SLC23A1: variants seen among roughly 807,000 people sequenced by gnomAD.
The protein encoded by SLC23A1 is solute carrier family 23 member 1.
Under a neutral mutation model 62.5 loss-of-function variants are expected in SLC23A1, and 31 were observed. The ratio of observed to expected loss-of-function variants is 0.50; its 90% confidence interval spans 0.37 to 0.67. The LOEUF (loss-of-function observed/expected upper bound fraction) is 0.67. Ranked by LOEUF, SLC23A1 falls within the 30% of genes least tolerant of loss-of-function variation. SLC23A1 has a pLI of 0.00. For missense variants in SLC23A1, 640 were observed against 782.7 expected (o/e 0.82, Z 2.18); for synonymous variants, 271 against 313.2 (o/e 0.87, Z 1.42).
Position 139,378,244 on chromosome 5 carries a change from C to T in SLC23A1, c.1287G>A (p.Gly429=). 2.5e-6 allele frequency: 4 copies of T among 1,612,426 alleles called. No homozygotes were observed. ...CACCAAAGAGAGTGCAGAACATGCC[C>T]CCCAGGATGGGGTCAGGGAGCGAGG... is the stretch of plus-strand genomic sequence containing the variant. ...LFASLPDPIL[G]GMFCTLFGMI... The change falls in exon 11 of 15, where the codon GGG becomes GGA. Residue 429 remains glycine, a synonymous_variant. Transcript: ENST00000348729. The surrounding 1 kb of genome is among the most constrained non-coding windows in gnomAD (Gnocchi z 4.5).
chr5:139,372,672 C>T (rs1757737331), intron 13 of SLC23A1, among the ~76,000 whole-genome samples: 1 of 152,128 alleles, frequency 6.6e-6, no homozygotes, highest in African/African-American at 2.4e-5. Flanking sequence ...GCCACCTCCT[C>T]CTCCCGGGTT....
At chr5:139,381,387 C>T (rs1378060464) in intron 3 of SLC23A1, among the ~76,000 whole-genome samples, 1 of 152,162 alleles carries the variant, frequency 6.6e-6, no homozygotes, top group Non-Finnish European at 1.5e-5. Flanking sequence ...GGCTTGGTGG[C>T]TCACGCCTGT....
intron 13 of SLC23A1, among the ~76,000 whole-genome samples, chr5:139,375,876 A>C (rs1189965819): frequency 1.3e-5 from 2 of 151,776 alleles, no homozygotes; most frequent in South Asian, 2.1e-4. Flanking sequence ...GCTCACACCT[A>C]TAATCCCAGT....
Position 139,379,406 on chromosome 5 carries a change from T to C in SLC23A1, c.926-52A>G. On this transcript the variant is annotated intron_variant, in intron 8 of 14. Transcript: ENST00000348729. This position sits in a 1 kb window ranked among gnomAD's most constrained non-coding sequence, Gnocchi z 4.7. ...GGCTACAGTGAGGAGACTGTGATGG[T>C]TAGGAATAGACAGGGCAGTGCTGGA... is the stretch of plus-strand genomic sequence containing the variant. 2 of 1,575,572 alleles carry C rather than the reference T, an allele frequency of 1.3e-6. No homozygotes were observed. The highest frequency in any genetic ancestry group is 1.7e-6 in the Non-Finnish European group (2 of 1,146,112).
intron 5 of SLC23A1, 69 bp downstream of exon 5, chr5:139,380,496 C>A (rs369419826): frequency 6.3e-7 from 1 of 1,587,992 alleles, no homozygotes; most frequent in Non-Finnish European, 8.6e-7. Context: ...CCAAACTCAG[C>A]GGCCACCCTC....
chr5:139,378,832 C>A lies in SLC23A1; in HGVS notation c.1074-148G>T. 2 of 658,240 alleles carry A rather than the reference C, an allele frequency of 3.0e-6. No individual in the cohort carries two copies. The highest frequency in any genetic ancestry group is 2.7e-6 in the Non-Finnish European group (1 of 373,064). 40.8% of individuals were successfully genotyped at this position (658,240 alleles called of 1,614,324 possible). ...CCTACTACAGGCCAGAATGCTCAGGCTCCAGAGCTAGTCCTAGTGCCCTGG... is the reference window on the plus strand; with the variant it reads ...CCTACTACAGGCCAGAATGCTCAGGATCCAGAGCTAGTCCTAGTGCCCTGG... On this transcript the variant is annotated intron_variant, in intron 9 of 14. Transcript: ENST00000348729. This position sits in a 1 kb window ranked among gnomAD's most constrained non-coding sequence, Gnocchi z 4.5.
chr5:139,378,583 G>A lies in SLC23A1; in HGVS notation c.1175C>T (p.Thr392Ile). 1 of 1,602,520 alleles carries A rather than the reference G, an allele frequency of 6.2e-7. No individual in the cohort carries two copies. The highest frequency in any genetic ancestry group is 8.5e-7 in the Non-Finnish European group (1 of 1,174,396). ...SSPNIGVLGI[T>I]KVGSRRVVQY... Reference sequence around the variant, plus strand: ...GGCTCTGGCTCGTCGCGACACCTTGGTAATTCCCAGGACGCCAATGTTGGG... The same window carrying A: ...GGCTCTGGCTCGTCGCGACACCTTGATAATTCCCAGGACGCCAATGTTGGG... Residue 392 changes from threonine to isoleucine, a missense_variant, in exon 10 of 15, where the codon ACC (threonine) becomes ATC (isoleucine). By Grantham distance (89) the Thr-to-Ile change is moderately conservative. Transcript: ENST00000348729. The surrounding 1 kb of genome is among the most constrained non-coding windows in gnomAD (Gnocchi z 4.5).
At chr5:139,383,000 C>T (rs1348804801) in intron 1 of SLC23A1, among the ~76,000 whole-genome samples, 1 of 152,214 alleles carries the variant, frequency 6.6e-6, no homozygotes, top group Non-Finnish European at 1.5e-5. Flanking sequence ...GATTAGGCCT[C>T]TCCTGAACCC....
At chr5:139,373,335 GC>G (rs934529131) in intron 13 of SLC23A1, among the ~76,000 whole-genome samples, 5 of 151,968 alleles carry the variant, frequency 3.3e-5, no homozygotes, top group Admixed American at 1.3e-4. Flanking sequence ...GACCCACCAC[GC>G]CCGGCTAATT....
chr5:139,378,453 G>A lies in SLC23A1; in HGVS notation c.1180-102C>T, dbSNP rs991570443. 5.4e-6 allele frequency: 8 copies of A among 1,472,080 alleles called. No homozygotes were observed. The African/African-American group carries it at 8.4e-5, about 15-fold the overall frequency. 91.2% of individuals were successfully genotyped at this position (1,472,080 alleles called of 1,614,324 possible). The stretch of plus-strand genomic sequence containing the variant: ...ATAAGAGCGAGGCATAAACCGGCTG[G>A]GGCTTGATGCGGGGGCGAGGCCTCT... On this transcript the variant is annotated intron_variant, in intron 10 of 14. Coordinates refer to ENST00000348729, the MANE Select transcript of SLC23A1 (RefSeq NM_005847.5). The surrounding 1 kb of genome is among the most constrained non-coding windows in gnomAD (Gnocchi z 4.5).
intron 4 of SLC23A1, 32 bp from the exon 5 acceptor site, chr5:139,380,664 C>A (rs1158395755): frequency 1.3e-6 from 2 of 1,562,940 alleles, no homozygotes; most frequent in East Asian, 2.2e-5. Context: ...CACACACGGA[C>A]CAGGTACAGA....
chr5:139,372,482 G>A (rs1757721710), intron 13 of SLC23A1, among the ~76,000 whole-genome samples: 2 of 152,166 alleles, frequency 1.3e-5, no homozygotes, highest in African/African-American at 4.8e-5. Context: ...ACTACAGTGT[G>A]CCAGGCTCTG....
At chr5:139,370,649 G>A (rs1227378949) in intron 14 of SLC23A1, among the ~76,000 whole-genome samples, 1 of 151,400 alleles carries the variant, frequency 6.6e-6, no homozygotes, top group South Asian at 2.1e-4. Flanking sequence ...CTACCACCAC[G>A]CCTGGCTAAT....
chr5:139,384,606 TC>T (rs1758437302), upstream of SLC23A1: 1 of 1,259,930 alleles, frequency 7.9e-7, no homozygotes, highest in Non-Finnish European at 1.0e-6. Context: ...CTCCCAGAAC[TC>T]CCCAGGGTGC....
rs1758125612 is a variant in SLC23A1, at chr5:139,379,494, A to T, written c.926-140T>A. Reference sequence around the variant, plus strand: ...GGGAGCTATACAGTTGTGGGAGCTTATTTGAGTCACTCAGAGCCAGGAAGT... The same window carrying T: ...GGGAGCTATACAGTTGTGGGAGCTTTTTTGAGTCACTCAGAGCCAGGAAGT... On this transcript the variant is annotated intron_variant, in intron 8 of 14. Coordinates refer to ENST00000348729, the MANE Select transcript of SLC23A1 (RefSeq NM_005847.5). This position sits in a 1 kb window ranked among gnomAD's most constrained non-coding sequence, Gnocchi z 4.7. 2 of 1,044,754 alleles carry T rather than the reference A, an allele frequency of 1.9e-6. No individual in the cohort carries two copies. The highest frequency in any genetic ancestry group is 2.0e-4 in the Middle Eastern group (1 of 4,890). 64.7% of individuals were successfully genotyped at this position (1,044,754 alleles called of 1,614,324 possible). A position where few individuals can be genotyped will look rare whatever the true frequency, so the allele number is the denominator to read the frequency against.
rs770230878 is a variant in SLC23A1, at chr5:139,372,025, G to C, written c.1778C>G (p.Ser593Cys). 1.2e-5 allele frequency: 19 copies of C among 1,613,814 alleles called. No homozygotes were observed. The South Asian group carries it at 2.0e-4, about 17-fold the overall frequency. The stretch of plus-strand genomic sequence containing the variant: ...CATTTTTCAGACCTTGGTGCACACA[G>C]ATGCAGTTTCTGTATTTTCTGGAGT... The part of the protein sequence containing the change: ...EDTPENTETA[S>C]VCTKV Residue 593 changes from serine to cysteine, a missense_variant, in exon 14 of 15, where the codon TCT becomes TGT. Physicochemically the swap from Ser to Cys is moderately radical, Grantham distance 112. Transcript: ENST00000348729.
chr5:139,383,965 C>T (rs1048319599), upstream of SLC23A1, among the ~76,000 whole-genome samples: 1 of 152,224 alleles, frequency 6.6e-6, no homozygotes, highest in Non-Finnish European at 1.5e-5. Flanking sequence ...CTGGCCCAGC[C>T]GGGTCTGCAC....
Position 139,380,895 on chromosome 5 carries a change from G to C in SLC23A1, c.309-9C>G. Reference sequence around the variant, plus strand: ...CCTGGAACAGCGGCAGCCTGGAGGAGAGGCACAAAGCAACAGGGGTGGGGA... The same window carrying C: ...CCTGGAACAGCGGCAGCCTGGAGGACAGGCACAAAGCAACAGGGGTGGGGA... On this transcript the variant is annotated splice_polypyrimidine_tract_variant and intron_variant, in intron 3 of 14. Transcript: ENST00000348729. 2.2e-6 allele frequency: 2 copies of C among 916,716 alleles called. No individual in the cohort carries two copies. Among genetic ancestry groups the C allele is most frequent in the Non-Finnish European group, 3.1e-6 (2 of 647,386 alleles). 56.8% of individuals were successfully genotyped at this position (916,716 alleles called of 1,614,324 possible). A position where few individuals can be genotyped will look rare whatever the true frequency, so the allele number is the denominator to read the frequency against.
chr5:139,379,064 C>G lies in SLC23A1; in HGVS notation c.1073+143G>C, dbSNP rs1170697121. The G allele has an allele frequency of 2.5e-6, 2 of 814,174 alleles. No individual in the cohort carries two copies. The highest frequency in any genetic ancestry group is 4.1e-6 in the Non-Finnish European group (2 of 490,824). 50.4% of individuals were successfully genotyped at this position (814,174 alleles called of 1,614,324 possible). On this transcript the variant is annotated intron_variant, in intron 9 of 14. Transcript: ENST00000348729. The surrounding 1 kb of genome is among the most constrained non-coding windows in gnomAD (Gnocchi z 4.7). The stretch of plus-strand genomic sequence containing the variant: ...ACAGAGGGGTGATGAGAGGGCACCC[C>G]CATCGCACAAACAAGGAGAATGAGG...
Sources: gnomAD v4.1 joint callset for allele counts (sites outside exome capture counted in the v4.1 genomes callset) on GRCh38, gnomAD v4.1.1 for gene constraint, Gnocchi (gnomAD v3.1) non-coding constraint, MANE v1.5 for transcripts, NCBI Gene and HGNC (gene_info 2026-07-23, HGNC 2026-07-21) for gene names.